Variants in TBC1D1 observed in about 807,000 individuals in gnomAD.
TBC1D1 encodes TBC1 (tre-2/USP6, BUB2, cdc16) domain family, member 1.
A neutral mutation model predicts 125.6 loss-of-function variants in TBC1D1; 89 were observed. That is an observed-to-expected ratio of 0.71 (90% CI 0.60 to 0.85). The LOEUF (loss-of-function observed/expected upper bound fraction) is 0.85. Ranked by LOEUF, TBC1D1 falls within the 40% of genes least tolerant of loss-of-function variation. The probability of loss-of-function intolerance (pLI) is 0.00; values close to 1 mark genes in which losing one functional copy is unlikely to be tolerated. For synonymous variants in TBC1D1, 565 were observed against 564.1 expected (o/e 1.00, Z -0.02); for missense variants, 1,377 against 1,469.2 (o/e 0.94, Z 1.03).
chr4:37,925,186 G>A (rs1356694478), intron 2 of TBC1D1, among the ~76,000 whole-genome samples: 6 of 152,298 alleles, frequency 3.9e-5, no homozygotes, highest in South Asian at 2.1e-4. Flanking sequence ...GTTCTCTCCC[G>A]TGAATTCGAA....
intron 10 of TBC1D1, among the ~76,000 whole-genome samples, chr4:38,047,322 G>C (rs867693637): frequency 6.6e-6 from 1 of 152,142 alleles, no homozygotes; most frequent in Non-Finnish European, 1.5e-5. Context: ...TGCAGATTCT[G>C]GTTCAGTAGG....
chr4:38,069,088 A>G (rs140898730), intron 12 of TBC1D1, among the ~76,000 whole-genome samples: 259 of 152,314 alleles, frequency 1.7e-3, no homozygotes, highest in African/African-American at 6.0e-3. Context: ...GGGGACTGTC[A>G]TGTATCCAGG....
At chr4:37,945,512 CAAAAAAAAAAAAAAAAAAAAAAAAAA>C (rs59557310) in intron 2 of TBC1D1, among the ~76,000 whole-genome samples, 5 of 20,680 alleles carry the variant, frequency 2.4e-4, no homozygotes, top group East Asian at 1.4e-3. Context: ...GACTCCACCT[CAAAAAAAAAAAAAAAAAAAAAAAAAA>C]AAAAAAAAAA....
At chr4:38,108,095 G>A (rs1761635893) in intron 15 of TBC1D1, among the ~76,000 whole-genome samples, 1 of 151,896 alleles carries the variant, frequency 6.6e-6, no homozygotes, top group South Asian at 2.1e-4. Flanking sequence ...AATTGCCACT[G>A]TTTTCATGTC....
intron 1 of TBC1D1, among the ~76,000 whole-genome samples, chr4:37,892,919 T>C (rs6531594): frequency 0.17 from 25,900 of 152,132 alleles, 3,841 homozygotes; most frequent in East Asian, 0.48. Context: ...GAAGACAGCT[T>C]TGACCAGGAA....
chr4:38,136,199 T>G (rs146983739), intron 19 of TBC1D1, among the ~76,000 whole-genome samples: 2 of 152,246 alleles, frequency 1.3e-5, no homozygotes, highest in East Asian at 3.9e-4. Flanking sequence ...CAGAGCAAAT[T>G]AGAGAGACGA....
intron 2 of TBC1D1, among the ~76,000 whole-genome samples, chr4:38,002,075 T>G (rs536865336): frequency 6.6e-6 from 1 of 152,246 alleles, no homozygotes; most frequent in South Asian, 2.1e-4. Context: ...GGGATGTGCT[T>G]GAGAGAGAGC....
intron 10 of TBC1D1, among the ~76,000 whole-genome samples, chr4:38,049,210 T>A (rs1477060445): frequency 6.6e-6 from 1 of 152,216 alleles, no homozygotes; most frequent in Non-Finnish European, 1.5e-5. Flanking sequence ...AAATGTGGGT[T>A]TAACATGAGT....
chr4:38,095,843 G>A (rs971987249), intron 13 of TBC1D1, 86 bp from the exon 16 acceptor site: 66 of 1,381,870 alleles, frequency 4.8e-5, no homozygotes, highest in Non-Finnish European at 6.0e-5. Flanking sequence ...ACGTCTCAGC[G>A]GGATAACAAG....
In TBC1D1 at chr4:37,995,275, G is replaced by A. The variant is rs1337995246; in HGVS notation, c.418-19234G>A. 3.9e-5 allele frequency among the ~76,000 whole-genome samples: 6 copies of A among 152,170 alleles called. No homozygotes were observed. The highest frequency in any genetic ancestry group is 9.7e-5 in the African/African-American group (4 of 41,446). ...TAGCAGAGGGTTAGGCACTGGCTACGAATTCAGACTTGGAAACTTCGTTGT... is the reference window on the plus strand; with the variant it reads ...TAGCAGAGGGTTAGGCACTGGCTACAAATTCAGACTTGGAAACTTCGTTGT... On this transcript the variant is annotated intron_variant, in intron 2 of 19. Coordinates refer to ENST00000261439, the MANE Select transcript of TBC1D1 (RefSeq NM_015173.4). This position sits in a 1 kb window ranked among gnomAD's most constrained non-coding sequence, Gnocchi z 4.3.
chr4:37,894,981 G>A (rs10452135), intron 1 of TBC1D1, among the ~76,000 whole-genome samples: 1,633 of 152,306 alleles, frequency 0.011, 36 homozygotes, highest in African/African-American at 0.037. Context: ...CTACTTCTCA[G>A]CTTTGTGAAC....
At chr4:38,041,192 A>G (rs991854161) in intron 8 of TBC1D1, among the ~76,000 whole-genome samples, 2 of 152,260 alleles carry the variant, frequency 1.3e-5, no homozygotes, top group Non-Finnish European at 2.9e-5. Context: ...TTCATTATTC[A>G]AAGAAGACAT....
chr4:37,918,623 T>C (rs1327928254), intron 2 of TBC1D1, among the ~76,000 whole-genome samples: 1 of 152,074 alleles, frequency 6.6e-6, no homozygotes, highest in African/African-American at 2.4e-5. Context: ...AATTTTTCTA[T>C]TTTTAGTAGA....
At chr4:37,998,679 T>A (rs189735719) in intron 2 of TBC1D1, among the ~76,000 whole-genome samples, 179 of 152,358 alleles carry the variant, frequency 1.2e-3, no homozygotes, top group Non-Finnish European at 2.0e-3. Context: ...CAGCACAGTT[T>A]CTGACTTGAT....
At chr4:37,891,398 G>A (rs1250091353) in intron 1 of TBC1D1, 50 bp downstream of exon 1, 5 of 152,260 alleles carry the variant, frequency 3.3e-5, no homozygotes, top group Admixed American at 3.3e-4. Flanking sequence ...GGCTCCTCTC[G>A]GGGCGTCGCG....
intron 2 of TBC1D1, among the ~76,000 whole-genome samples, chr4:37,944,307 G>A (rs890895791): frequency 2.0e-5 from 3 of 152,202 alleles, no homozygotes; most frequent in Non-Finnish European, 4.4e-5. Context: ...GAGGCAGTCT[G>A]TCCGTTCTCA....
intron 10 of TBC1D1, among the ~76,000 whole-genome samples, chr4:38,047,632 T>C (rs945307111): frequency 2.6e-5 from 4 of 152,176 alleles, no homozygotes; most frequent in African/African-American, 9.6e-5. Context: ...AGATGACAGA[T>C]ACAGAAACAG....
At chr4:38,058,508 T>G (rs1459869481) in intron 12 of TBC1D1, among the ~76,000 whole-genome samples, 1 of 152,242 alleles carries the variant, frequency 6.6e-6, no homozygotes, top group Non-Finnish European at 1.5e-5. Context: ...GCATTCCCAC[T>G]CTGACTTTGG....
intron 15 of TBC1D1, among the ~76,000 whole-genome samples, chr4:38,114,876 G>A (rs925791806): frequency 6.6e-6 from 1 of 151,960 alleles, no homozygotes; most frequent in Non-Finnish European, 1.5e-5. Flanking sequence ...TAGTTTGAAA[G>A]TACGGAGATA....
Sources: gnomAD v4.1 joint callset for allele counts (sites outside exome capture counted in the v4.1 genomes callset) on GRCh38, gnomAD v4.1.1 for gene constraint, Gnocchi (gnomAD v3.1) non-coding constraint, MANE v1.5 for transcripts, NCBI Gene and HGNC (gene_info 2026-07-23, HGNC 2026-07-21) for gene names.